Variants in JAG2 observed in about 807,000 individuals in gnomAD.
JAG2 encodes the protein jagged canonical Notch ligand 2, also known as protein jagged-2.
A neutral mutation model predicts 141.7 loss-of-function variants in JAG2; 46 were observed. The observed-to-expected ratio is 0.32, with a 90% CI of 0.26 to 0.42. JAG2 has a LOEUF of 0.42. JAG2 is among the 10% of genes least tolerant of loss of function. JAG2 has a pLI of 1.00. For missense variants in JAG2, 1,500 were observed against 1,817.5 expected (o/e 0.83, Z 3.18); for synonymous variants, 862 against 763.5 (o/e 1.13, Z -2.13).
intron 8 of JAG2, 70 bp downstream of exon 8, chr14:105,151,556 G>A (rs1566764093): frequency 1.4e-6 from 2 of 1,395,920 alleles, no homozygotes; most frequent in East Asian, 2.5e-5. Flanking sequence ...CCCATCCCCA[G>A]CGAGTTGCCC....
chr14:105,150,471 T>A, intron 12 of JAG2, 133 bp downstream of exon 12: 1 of 923,836 alleles, frequency 1.1e-6, no homozygotes, highest in Non-Finnish European at 1.6e-6. Context: ...AGTGGAGAGC[T>A]GAGCCTGGGA....
rs587710446 is a variant in JAG2 at position 105,145,016 on chromosome 14, C to T, written c.2998G>A (p.Ala1000Thr). The change falls in exon 24 of 26, where the codon GCC becomes ACC. Residue 1000 changes from alanine to threonine, a missense_variant. By Grantham distance (58) the Ala-to-Thr change is moderately conservative. This residue lies in a region of JAG2 where 425 missense variants were observed against 441.0 expected (regional missense o/e 0.96). Transcript: ENST00000331782. ...CGGTCCCGTGCCACAGCCCTTGTGG[C>T]TGGCAGGGAGCGGATCCCGGAGCAA... ...AICSGIRSLP[A>T]TRAVARDRLL... The T allele has an allele frequency of 6.2e-7, 1 of 1,609,930 alleles. No homozygotes were observed. The highest frequency in any genetic ancestry group is 1.1e-5 in the South Asian group (1 of 91,050).
Position 105,147,828 on chromosome 14 carries a change from C to T in JAG2, c.2309G>A (p.Gly770Glu), listed in dbSNP as rs1289173904. Residue 770 changes from glycine to glutamate, a missense_variant, in exon 18 of 26, where the codon GGG becomes GAG. Gly to Glu is a moderately conservative substitution (Grantham distance 98). Around this residue, in one of 3 missense-constraint regions of JAG2, gnomAD observed 875 missense variants for 1,202.2 expected, o/e 0.73. Transcript: ENST00000331782. ...CVNGGTCVGS[G>E]ASFSCICRDG... is the part of the protein sequence containing the mutation. The stretch of plus-strand genomic sequence containing the variant: ...CCGGCAGATGCAGGAGAAGGAGGCC[C>T]CGCTGCCCACGCAGGTGCCACCATT... The T allele has an allele frequency of 1.9e-6, 3 of 1,550,440 alleles. No individual in the cohort carries two copies. In the South Asian group the frequency reaches 3.6e-5, roughly 18 times the overall value.
In JAG2 at chr14:105,167,170, C is replaced by T. The variant is rs1195586887; in HGVS notation, c.417+587G>A. On this transcript the variant is annotated intron_variant, in intron 2 of 25. Transcript: ENST00000331782. The surrounding 1 kb of genome is among the most constrained non-coding windows in gnomAD (Gnocchi z 4.8). ...AAAAAAACCCACAAACAGGGCAGTG[C>T]CACAGAAGGTCACTGCACCAGGATC... Among the ~76,000 whole-genome samples the T allele has an allele frequency of 6.6e-6, 1 of 152,232 alleles. No individual in the cohort carries two copies. The highest frequency in any genetic ancestry group is 1.5e-5 in the Non-Finnish European group (1 of 68,034).
In JAG2 at chr14:105,168,423, CCCCCGCGACCCGCCCGCCCGG is replaced by C. The variant is rs1888992210; in HGVS notation, c.-24_-4del. ...CGCCCCCGGCCCTGCGCCCGCATTG[CCCCCGCGACCCGCCCGCCCGG>C]CCCCGCCGCCGCCGCCCGCGCCCGG... On this transcript the variant is annotated 5_prime_UTR_variant, in exon 1 of 26. Coordinates refer to ENST00000331782, the MANE Select transcript of JAG2 (RefSeq NM_002226.5). The C allele has an allele frequency of 1.1e-6, 1 of 875,620 alleles. No homozygotes were observed. Among genetic ancestry groups the C allele is most frequent in the African/African-American group, 1.8e-5 (1 of 54,524 alleles). The allele number at this position is 875,620 out of a possible 1,614,324, so 54.2% of individuals were successfully genotyped here.
chr14:105,152,660 G>A (rs1244171781), intron 5 of JAG2, among the ~76,000 whole-genome samples: 1 of 151,962 alleles, frequency 6.6e-6, no homozygotes, highest in African/African-American at 2.4e-5. Flanking sequence ...GGAGGCACCA[G>A]GGGCTGGGTA....
Position 105,167,991 on chromosome 14 carries a change from G to A in JAG2, c.183C>T (p.Gly61=), listed in dbSNP as rs1434434653. Residue 61 remains glycine (G), a synonymous_variant, in exon 2 of 26, where the codon GGC becomes GGT. Coordinates refer to ENST00000331782, the MANE Select transcript of JAG2 (RefSeq NM_002226.5). The surrounding 1 kb of genome is among the most constrained non-coding windows in gnomAD (Gnocchi z 4.8). ...ACGTGTCGCACTCGTCGTGGCCGCA[G>A]CCCCCCGCGCGCGTTGTCCGGCCGT... ...DGDGRTTRAG[G]CGHDECDTYV... 4.4e-6 allele frequency: 7 copies of A among 1,601,830 alleles called. No homozygotes were observed. The South Asian group carries it at 6.6e-5, about 15-fold the overall frequency.
intron 15 of JAG2, 79 bp downstream of exon 15, chr14:105,148,666 A>T: frequency 7.8e-7 from 1 of 1,285,056 alleles, no homozygotes; most frequent in Non-Finnish European, 1.1e-6. Context: ...CCGCACCCAG[A>T]CAGCGGTCCA....
chr14:105,154,480 T>G lies in JAG2; in HGVS notation c.788+1082A>C, dbSNP rs1262294281. 6.6e-6 allele frequency among the ~76,000 whole-genome samples: 1 copy of G among 152,088 alleles called. No individual in the cohort carries two copies. The highest frequency in any genetic ancestry group is 6.5e-5 in the Admixed American group (1 of 15,280). ...CCCTGCTGACTTCTCTGCTCCACTC[T>G]AGGGCAAAGCTGCCAGCCCCCCTGG... On this transcript the variant is annotated intron_variant, in intron 5 of 25. Coordinates refer to ENST00000331782, the MANE Select transcript of JAG2 (RefSeq NM_002226.5). The surrounding 1 kb of genome is among the most constrained non-coding windows in gnomAD (Gnocchi z 4.4).
Position 105,142,010 on chromosome 14 carries a change from G to A in JAG2, c.*685C>T, listed in dbSNP as rs1160452315. On this transcript the variant is annotated 3_prime_UTR_variant, in exon 26 of 26. Transcript: ENST00000331782. ...GCTGGAGCGGGCGTTCTGGGCAGGA[G>A]GAAGCACAGACGGCAGGCAGGGTGG... 1 of 152,922 alleles carries A rather than the reference G, an allele frequency of 6.5e-6. No individual in the cohort carries two copies. Among genetic ancestry groups the A allele is most frequent in the Non-Finnish European group, 1.5e-5 (1 of 68,372 alleles). 9.5% of individuals were successfully genotyped at this position (152,922 alleles called of 1,614,324 possible). A position where few individuals can be genotyped will look rare whatever the true frequency, so the allele number is the denominator to read the frequency against.
chr14:105,146,983 G>C, intron 20 of JAG2: 1 of 620,632 alleles, frequency 1.6e-6, no homozygotes. Context: ...CTGCTGCGTC[G>C]GACCAGCCAA....
At chr14:105,164,803 T>C (rs950412832) in intron 2 of JAG2, among the ~76,000 whole-genome samples, 2 of 152,148 alleles carry the variant, frequency 1.3e-5, no homozygotes, top group East Asian at 1.9e-4. Context: ...AGCAGCCCCA[T>C]CTGACTTCGT....
Position 105,145,907 on chromosome 14 carries a change from G to A in JAG2, c.2776C>T (p.Leu926=). The change falls in exon 23 of 26, where the codon CTG becomes TTG. Residue 926 remains leucine, a synonymous_variant. Transcript: ENST00000331782. ...GCCTTCTCCAGGCACCTTTGCCCCA[G>A]TGGGCACTGGGCGCTCAGGGCCTCG... ...QPEALSAQCP[L]GQRCLEKAPG... 6.4e-7 allele frequency: 1 copy of A among 1,569,120 alleles called. No individual in the cohort carries two copies. Among genetic ancestry groups the A allele is most frequent in the Non-Finnish European group, 8.6e-7 (1 of 1,158,238 alleles).
intron 2 of JAG2, among the ~76,000 whole-genome samples, chr14:105,159,160 C>G (rs911498460): frequency 1.3e-5 from 2 of 151,786 alleles, no homozygotes; most frequent in Non-Finnish European, 2.9e-5. Flanking sequence ...CCGACTGTCC[C>G]TCAAATACAG....
At chr14:105,162,890 CTAAG>C (rs1308649495) in intron 2 of JAG2, among the ~76,000 whole-genome samples, 7 of 148,538 alleles carry the variant, frequency 4.7e-5, no homozygotes, top group Non-Finnish European at 1.0e-4. Flanking sequence ...GCCAAGCACC[CTAAG>C]TCCACGGCAC....
Position 105,155,850 on chromosome 14 carries a change from G to A in JAG2, c.615C>T (p.Ala205=). Residue 205 remains alanine, a synonymous_variant, in exon 4 of 26, where the codon GCC becomes GCT. Transcript: ENST00000331782. ...GGGGCCGGCAGAACTTGTTGCAAGTGGCGCTGTAGTAGTTCTCGTCGCAGC... is the reference window on the plus strand; with the variant it reads ...GGGGCCGGCAGAACTTGTTGCAAGTAGCGCTGTAGTAGTTCTCGTCGCAGC... ...RVRCDENYYS[A]TCNKFCRPRN... 1.2e-6 allele frequency: 2 copies of A among 1,612,592 alleles called. No homozygotes were observed. Among genetic ancestry groups the A allele is most frequent in the East Asian group, 2.2e-5 (1 of 44,878 alleles).
intron 2 of JAG2, among the ~76,000 whole-genome samples, chr14:105,165,991 C>T (rs1045081732): frequency 2.0e-5 from 3 of 152,170 alleles, no homozygotes; most frequent in South Asian, 2.1e-4. Flanking sequence ...GCACAGCTCC[C>T]GCCCGGCAGC....
At position 105,148,237 on chromosome 14, in the gene JAG2, C is replaced by T. The variant is rs1342335366; in HGVS notation, c.2135-8G>A. On this transcript the variant is annotated splice_region_variant and splice_polypyrimidine_tract_variant and intron_variant, in intron 16 of 25. Transcript: ENST00000331782. ...CATCGCACTGGAACTCGCCTGTTGG[C>T]ACATGGGCCGCTCAGCAGGCAGGCC... The T allele has an allele frequency of 6.4e-7, 1 of 1,564,860 alleles. No individual in the cohort carries two copies. The highest frequency in any genetic ancestry group is 8.7e-7 in the Non-Finnish European group (1 of 1,155,150).
chr14:105,142,920 C>A lies in JAG2; in HGVS notation c.3492G>T (p.Ala1164=). The A allele has an allele frequency of 6.2e-7, 1 of 1,607,482 alleles. No individual in the cohort carries two copies. The highest frequency in any genetic ancestry group is 8.5e-7 in the Non-Finnish European group (1 of 1,177,324). ...FTPPPRRADE[A]LPGPAGHAAV... is the part of the protein sequence containing the mutation. ...CCGCGTGGCCGGCCGGCCCGGGCAG[C>A]GCCTCGTCCGCCCTGCGCGGCGGCG... The change falls in exon 26 of 26, where the codon GCG becomes GCT. Residue 1164 remains alanine, a synonymous_variant. Transcript: ENST00000331782.
Sources: allele counts gnomAD v4.1 joint callset (sites outside exome capture counted in the v4.1 genomes callset), GRCh38; gene constraint gnomAD v4.1.1; regional missense constraint gnomAD v4.1.1; non-coding constraint Gnocchi (gnomAD v3.1); transcripts MANE v1.5; gene names NCBI Gene and HGNC (gene_info 2026-07-23, HGNC 2026-07-21).